The following DMD variants were observed in gnomAD, a reference collection of about 807,000 sequenced individuals.
DMD encodes mutant dystrophin.
DMD carries 63 observed loss-of-function variants against 330.1 expected under a neutral mutation model. The ratio of observed to expected loss-of-function variants is 0.19; its 90% CI spans 0.16 to 0.24. The LOEUF is 0.24. DMD is among the 10% of genes least tolerant of loss of function. DMD has a pLI of 1.00. For synonymous variants in DMD, 1,223 were observed against 959.8 expected, an observed-to-expected ratio of 1.27 and a Z score of -5.07; for missense variants, 3,344 against 2,684.1, an observed-to-expected ratio of 1.25 and a Z score of -5.43.
intron 66 of DMD, among the ~76,000 whole-genome samples, chrX:31,205,132 T>C (rs908497574): frequency 6.3e-5 from 7 of 111,786 alleles, no homozygotes; most frequent in African/African-American, 1.6e-4. Flanking sequence ...ACTGAATGCT[T>C]GCAATGTTAT....
chrX:33,010,350 G>T (rs7884271), intron 2 of DMD, among the ~76,000 whole-genome samples: 1 of 104,704 alleles, frequency 9.6e-6, no homozygotes, highest in African/African-American at 3.7e-5. Flanking sequence ...ATATATATGT[G>T]TGTATGTATA....
At chrX:32,539,515 C>T (rs1442728812) in intron 17 of DMD, among the ~76,000 whole-genome samples, 1 of 76,544 alleles carries the variant, frequency 1.3e-5, no homozygotes, top group African/African-American at 5.7e-5. Context: ...TCATATAGAA[C>T]ATTAAAAAAA....
At chrX:31,989,099 T>C (rs1174810620) in intron 44 of DMD, among the ~76,000 whole-genome samples, 2 of 112,274 alleles carry the variant, frequency 1.8e-5, no homozygotes, top group Admixed American at 9.4e-5. Flanking sequence ...GGCTTTTTGA[T>C]TAGGTCTTCA....
At chrX:32,214,407 T>C (rs1243432755) in intron 44 of DMD, among the ~76,000 whole-genome samples, 1 of 111,417 alleles carries the variant, frequency 9.0e-6, no homozygotes, top group African/African-American at 3.3e-5. Flanking sequence ...AGGTGATATA[T>C]ACACAGAGGA....
intron 16 of DMD, among the ~76,000 whole-genome samples, chrX:32,557,542 C>T (rs2050444748): frequency 9.0e-6 from 1 of 111,250 alleles, no homozygotes; most frequent in Non-Finnish European, 1.9e-5. Flanking sequence ...TTGGAGTGAT[C>T]AATAAGTTTT....
At chrX:32,278,322 C>T (rs760550724) in intron 43 of DMD, among the ~76,000 whole-genome samples, 47 of 111,479 alleles carry the variant, frequency 4.2e-4, no homozygotes, top group Admixed American at 3.4e-3. Flanking sequence ...TTAGTAAACT[C>T]TCCCAGTAAA....
intron 63 of DMD, among the ~76,000 whole-genome samples, chrX:31,225,195 T>C (rs1262208319): frequency 8.9e-6 from 1 of 112,292 alleles, no homozygotes; most frequent in African/African-American, 3.2e-5. Flanking sequence ...CACTCTGATG[T>C]ATGTGTGTGT....
chrX:31,182,723 T>TA lies in DMD; in HGVS notation c.9974+14_9974+15insT. 1 of 1,203,784 alleles carries TA rather than the reference T, an allele frequency of 8.3e-7. No homozygotes were observed. The highest frequency in any genetic ancestry group is 3.0e-5 in the East Asian group (1 of 33,762). The stretch of plus-strand genomic sequence containing the variant: ...GATGAGAAAAAAATGACATTTTTTT[T>TA]TTGGTTCCTAATACCTGAATCCAAT... On this transcript the variant is annotated intron_variant, in intron 68 of 78. Transcript: ENST00000357033.
intron 27 of DMD, among the ~76,000 whole-genome samples, chrX:32,446,031 AG>A (rs1421643079): frequency 9.0e-6 from 1 of 110,600 alleles, no homozygotes; most frequent in East Asian, 2.8e-4. Flanking sequence ...ATAAGAATAT[AG>A]AAAATATTAA....
intron 7 of DMD, 138 bp from the exon 8 acceptor site, chrX:32,699,431 A>C: frequency 1.8e-6 from 1 of 540,913 alleles, no homozygotes; most frequent in Non-Finnish European, 3.1e-6. Flanking sequence ...TCCAGAGACT[A>C]ATTAGAACAT....
intron 55 of DMD, among the ~76,000 whole-genome samples, chrX:31,557,534 A>G (rs1352055305): frequency 8.9e-6 from 1 of 111,918 alleles, no homozygotes; most frequent in Non-Finnish European, 1.9e-5. Flanking sequence ...CTCCCCAACT[A>G]CACTCTAGGC....
chrX:32,229,680 T>TCA (rs2097160942), intron 43 of DMD, among the ~76,000 whole-genome samples: 1 of 26,941 alleles, frequency 3.7e-5, no homozygotes, highest in Non-Finnish European at 6.7e-5. Context: ...AAGAGTTTCA[T>TCA]CATATATATA....
intron 1 of DMD, among the ~76,000 whole-genome samples, chrX:33,033,721 A>T (rs1179683857): frequency 9.0e-6 from 1 of 110,826 alleles, no homozygotes; most frequent in East Asian, 2.8e-4. Flanking sequence ...CCGTCTCAAA[A>T]AAAAAAAGCT....
intron 52 of DMD, among the ~76,000 whole-genome samples, chrX:31,687,737 C>T (rs989190387): frequency 2.8e-4 from 31 of 112,024 alleles, no homozygotes; most frequent in Admixed American, 6.6e-4. Flanking sequence ...AGATTTCCAC[C>T]GAAAAATCTG....
At chrX:31,123,397 T>C (rs558399103) in intron 78 of DMD, among the ~76,000 whole-genome samples, 1 of 112,516 alleles carries the variant, frequency 8.9e-6, no homozygotes, top group African/African-American at 3.2e-5. Context: ...ACAAAGCATA[T>C]GCAACTATTC....
intron 44 of DMD, among the ~76,000 whole-genome samples, chrX:32,044,630 G>C (rs777742564): frequency 9.1e-6 from 1 of 109,692 alleles, no homozygotes; most frequent in South Asian, 3.9e-4. Flanking sequence ...CACTGTGTTA[G>C]CCAGGATGGT....
At chrX:31,408,927 C>T (rs1365818170) in intron 60 of DMD, among the ~76,000 whole-genome samples, 1 of 110,801 alleles carries the variant, frequency 9.0e-6, no homozygotes, top group Non-Finnish European at 1.9e-5. Context: ...TAATGCTATC[C>T]CTCCCCACTC....
chrX:33,213,013 G>T (rs771057644), upstream of DMD, among the ~76,000 whole-genome samples: 3 of 110,924 alleles, frequency 2.7e-5, no homozygotes, highest in East Asian at 8.6e-4. Context: ...CCTTGTTTAG[G>T]CCAAGGCGTG....
chrX:31,667,266 C>A (rs748892389), intron 53 of DMD, among the ~76,000 whole-genome samples: 2 of 111,662 alleles, frequency 1.8e-5, no homozygotes, highest in African/African-American at 3.2e-5. Flanking sequence ...TATTTCATTT[C>A]TTTTTATTGC....
Sources: gnomAD v4.1 joint callset for allele counts (sites outside exome capture counted in the v4.1 genomes callset) on GRCh38, gnomAD v4.1.1 for gene constraint, MANE v1.5 for transcripts, NCBI Gene and HGNC (gene_info 2026-07-23, HGNC 2026-07-21) for gene names.